The following HAPSTR2 variants were observed in gnomAD, a reference collection of about 807,000 sequenced individuals.
The protein encoded by HAPSTR2 is HUWE1-associated protein modifying stress responses 2.
the HAPSTR2 span, chrX:140,091,766 C>A: frequency 1.1e-6 from 1 of 933,022 alleles, no homozygotes; most frequent in African/African-American, 2.0e-5. Context: ...AGAAGGAGGG[C>A]GAGGCCGAGG....
chrX:140,091,934 C>T, the HAPSTR2 span: 1 of 881,954 alleles, frequency 1.1e-6, no homozygotes, highest in Admixed American at 5.1e-5. Flanking sequence ...AGATCTCGGC[C>T]ACCGCCGTTG....
the HAPSTR2 span, chrX:140,092,695 C>A: frequency 2.1e-6 from 1 of 480,594 alleles, no homozygotes; most frequent in Non-Finnish European, 2.6e-6. Flanking sequence ...AACAATTTTG[C>A]CATAAAGAAA....
chrX:140,092,320 C>T, the HAPSTR2 span: 1 of 754,515 alleles, frequency 1.3e-6, no homozygotes, highest in Non-Finnish European at 1.6e-6. Flanking sequence ...GAGGCGATCG[C>T]CCTGCATGGC....
the HAPSTR2 span, among the ~76,000 whole-genome samples, chrX:140,092,876 C>G: frequency 8.9e-6 from 1 of 111,859 alleles, no homozygotes; most frequent in African/African-American, 3.3e-5. Context: ...GCACCTAGCA[C>G]AGTTCCAGGT....
chrX:140,092,159 C>T, the HAPSTR2 span: 39 of 763,427 alleles, frequency 5.1e-5, no homozygotes, highest in Non-Finnish European at 5.9e-5. Context: ...GTCGCGAAGA[C>T]TTGATTAGCT....
At chrX:140,092,344 T>G in the HAPSTR2 span, 8 of 754,209 alleles carry the variant, frequency 1.1e-5, no homozygotes, top group Non-Finnish European at 1.3e-5. Flanking sequence ...AGTGGTGCTA[T>G]GGCCGGCATC....
the HAPSTR2 span, chrX:140,092,365 C>G: frequency 1.3e-6 from 1 of 754,116 alleles, no homozygotes; most frequent in Non-Finnish European, 1.6e-6. Context: ...AGCATGCGAT[C>G]GGGCGACTCG....
chrX:140,092,503 C>T, the HAPSTR2 span: 7 of 751,795 alleles, frequency 9.3e-6, no homozygotes, highest in East Asian at 7.7e-4. Context: ...AAGCGCACCT[C>T]GGCCCAATGC....
chrX:140,092,626 T>G, the HAPSTR2 span: 1 of 704,350 alleles, frequency 1.4e-6, no homozygotes, highest in Non-Finnish European at 1.7e-6. Flanking sequence ...TCGACATGCT[T>G]GTCTAAAGGT....
chrX:140,091,714 T>G, the HAPSTR2 span: 2 of 780,910 alleles, frequency 2.6e-6, no homozygotes, highest in Non-Finnish European at 3.1e-6. Flanking sequence ...GAGGAGGCGG[T>G]GGTGGAGGTG....
At chrX:140,091,682 GGCA>G in the HAPSTR2 span, 17 of 599,764 alleles carry the variant, frequency 2.8e-5, no homozygotes, top group South Asian at 4.6e-4. Context: ...ACCAAGAGTA[GGCA>G]GCAGCGGCGG....
chrX:140,092,644 G>T, the HAPSTR2 span: 1 of 672,938 alleles, frequency 1.5e-6, no homozygotes, highest in African/African-American at 2.4e-5. Flanking sequence ...GGTTACTGGA[G>T]ACCATTTTTC....
chrX:140,091,886 G>A, the HAPSTR2 span: 2 of 934,091 alleles, frequency 2.1e-6, no homozygotes, highest in Non-Finnish European at 2.7e-6. Flanking sequence ...AGTTGGCAGG[G>A]CTCAAGAGCG....
chrX:140,091,862 G>T, the HAPSTR2 span: 1 of 977,017 alleles, frequency 1.0e-6, no homozygotes. Context: ...AGCTGCAGGA[G>T]GAGGCGGCTG....
the HAPSTR2 span, chrX:140,092,694 G>T: frequency 6.1e-6 from 3 of 489,313 alleles, no homozygotes; most frequent in Non-Finnish European, 7.5e-6. Context: ...TAACAATTTT[G>T]CCATAAAGAA....
chrX:140,092,542 A>G, the HAPSTR2 span: 14 of 753,639 alleles, frequency 1.9e-5, no homozygotes, highest in Non-Finnish European at 1.9e-5. Context: ...TCCCCAATCC[A>G]AAAGCGCAAC....
the HAPSTR2 span, chrX:140,092,022 G>A: frequency 1.2e-6 from 1 of 821,223 alleles, no homozygotes; most frequent in Admixed American, 6.7e-5. Context: ...GGCCATGGCC[G>A]TGACCAGCCT....
At chrX:140,091,998 C>T in the HAPSTR2 span, 1 of 826,354 alleles carries the variant, frequency 1.2e-6, no homozygotes, top group Non-Finnish European at 1.5e-6. Context: ...CATGTGGGAC[C>T]CCTTCCAGAA....
the HAPSTR2 span, chrX:140,091,916 C>T: frequency 2.0e-5 from 18 of 901,532 alleles, no homozygotes; most frequent in Non-Finnish European, 2.3e-5. Context: ...AGCTGTGGCA[C>T]CTCTTCCAGA....
Sources: gnomAD v4.1 joint callset for allele counts (sites outside exome capture counted in the v4.1 genomes callset) on GRCh38, gnomAD v4.1.1 for gene constraint, MANE v1.5 for transcripts, NCBI Gene and HGNC (gene_info 2026-07-23, HGNC 2026-07-21) for gene names.